RNF130: variants seen among roughly 807,000 people sequenced by gnomAD.
The protein encoded by RNF130 is ring finger protein 130, also known as E3 ubiquitin-protein ligase RNF130.
In RNF130, 21 loss-of-function variants were observed where a neutral mutation model predicts 44.6. The observed-to-expected ratio is 0.47, with a 90% CI of 0.33 to 0.68. The LOEUF (loss-of-function observed/expected upper bound fraction) is 0.68. Ranked by LOEUF, RNF130 falls within the 30% of genes least tolerant of loss-of-function variation. RNF130 has a pLI of 0.02. For synonymous variants in RNF130, 214 were observed against 210.4 expected, an observed-to-expected ratio of 1.02 and a Z score of -0.15; for missense variants, 479 against 560.6, an observed-to-expected ratio of 0.85 and a Z score of 1.47.
chr5:179,945,125 T>G (rs942517347), intron 7 of RNF130, among the ~76,000 whole-genome samples: 7 of 152,164 alleles, frequency 4.6e-5, no homozygotes, highest in Non-Finnish European at 1.0e-4. Flanking sequence ...AACTGACTAG[T>G]ATTTTCACAT....
intron 2 of RNF130, among the ~76,000 whole-genome samples, chr5:180,024,408 T>TCCCAATTTTTC (rs1308087876): frequency 6.6e-6 from 1 of 152,172 alleles, no homozygotes; most frequent in Non-Finnish European, 1.5e-5. Flanking sequence ...TGTACTATCT[T>TCCCAATTTTTC]CCCAATTTTT....
intron 1 of RNF130, among the ~76,000 whole-genome samples, chr5:180,062,933 C>T (rs1765020820): frequency 6.6e-6 from 1 of 152,154 alleles, no homozygotes; most frequent in Admixed American, 6.5e-5. Context: ...GGGATGCCAA[C>T]CAGAGGGCAC....
rs968458201 is a variant in RNF130 at position 179,967,410 on chromosome 5, CCTA to C, written c.946-403_946-401del. ...AGGTAATAGAAAACACCTCTTTCAT[CCTA>C]CTAACTTCTCTAAAAGCCCCATTTA... is the stretch of plus-strand genomic sequence containing the variant. On this transcript the variant is annotated intron_variant, in intron 6 of 8. Transcript: ENST00000521389. Among the ~76,000 whole-genome samples the C allele has an allele frequency of 3.2e-3, 492 of 152,114 alleles. 4 individuals carry two copies. The highest frequency in any genetic ancestry group is 0.011 in the African/African-American group (472 of 41,574).
chr5:179,983,845 T>A (rs1303613893), intron 3 of RNF130, among the ~76,000 whole-genome samples: 1 of 152,240 alleles, frequency 6.6e-6, no homozygotes, highest in Non-Finnish European at 1.5e-5. Flanking sequence ...ACATAGGGCA[T>A]ATTGCATATT....
intron 7 of RNF130, among the ~76,000 whole-genome samples, chr5:179,942,795 A>G (rs1761983214): frequency 6.6e-6 from 1 of 152,216 alleles, no homozygotes; most frequent in African/African-American, 2.4e-5. Context: ...GTTTCTTAGA[A>G]CATCCTCTGC....
chr5:180,068,037 T>A (rs905641500), intron 1 of RNF130, among the ~76,000 whole-genome samples: 5 of 152,246 alleles, frequency 3.3e-5, no homozygotes, highest in African/African-American at 1.2e-4. Flanking sequence ...TTGGTAAAAT[T>A]ATTCTCTAAG....
rs971170629 is a variant in RNF130, at chr5:179,937,966, G to C, written c.1151-17540C>G. ...AGAGAGAGAGAGAGAGAGAGAGAGA[G>C]AGAGACAGAGACAGACAGGGTCTCA... On this transcript the variant is annotated intron_variant, in intron 7 of 7. Coordinates refer to the RNF130 transcript ENST00000522208. 7.3e-5 allele frequency among the ~76,000 whole-genome samples: 11 copies of C among 149,810 alleles called. No individual in the cohort carries two copies. The East Asian group carries it at 7.8e-4, about 11-fold the overall frequency.
chr5:179,931,528 G>T lies in RNF130; in HGVS notation c.1151-11102C>A, dbSNP rs746813120. ...TCATGCCTGTAATCCCAGCACTTTG[G>T]GGGGCCGAGGTGGGCGGATCACCTG... On this transcript the variant is annotated intron_variant, in intron 7 of 7. Coordinates refer to the RNF130 transcript ENST00000522208. 4.6e-5 allele frequency among the ~76,000 whole-genome samples: 7 copies of T among 152,046 alleles called. No homozygotes were observed. In the South Asian group the frequency reaches 6.2e-4, roughly 14 times the overall value.
chr5:179,970,038 C>T (rs912259497), intron 6 of RNF130, among the ~76,000 whole-genome samples: 2 of 152,090 alleles, frequency 1.3e-5, no homozygotes, highest in African/African-American at 4.8e-5. Flanking sequence ...TGCCTGTAGT[C>T]CCAGCTACTC....
intron 7 of RNF130, among the ~76,000 whole-genome samples, chr5:179,931,294 A>T (rs1415469742): frequency 6.6e-6 from 1 of 152,116 alleles, no homozygotes; most frequent in Non-Finnish European, 1.5e-5. Flanking sequence ...TTGTTTACCT[A>T]TTGTATCAAA....
chr5:179,960,863 A>C (rs972737531), intron 8 of RNF130, among the ~76,000 whole-genome samples: 2 of 151,884 alleles, frequency 1.3e-5, no homozygotes, highest in Non-Finnish European at 2.9e-5. Flanking sequence ...AAAAAATCTT[A>C]TTTTGGTTGT....
At chr5:179,962,649 A>G (rs2113699645) in intron 8 of RNF130, among the ~76,000 whole-genome samples, 1 of 152,270 alleles carries the variant, frequency 6.6e-6, no homozygotes, top group South Asian at 2.1e-4. Flanking sequence ...AAATAAAAAA[A>G]CCCTTTCTAT....
intron 3 of RNF130, among the ~76,000 whole-genome samples, chr5:179,993,137 G>A (rs1325953579): frequency 6.6e-6 from 1 of 152,176 alleles, no homozygotes; most frequent in African/African-American, 2.4e-5. Flanking sequence ...TTGGACATTT[G>A]GGTTGGTTCC....
intron 1 of RNF130, among the ~76,000 whole-genome samples, chr5:180,059,983 G>A (rs1764935789): frequency 6.6e-6 from 1 of 152,158 alleles, no homozygotes; most frequent in Admixed American, 6.5e-5. Context: ...GGACTGTCTG[G>A]GTGGGCCCAA....
At chr5:179,963,681 G>A (rs1224753528) in intron 7 of RNF130, 117 bp from the exon 8 acceptor site, 1 of 744,050 alleles carries the variant, frequency 1.3e-6, no homozygotes. Context: ...AGCCAAGATT[G>A]GCCCAAGGAA....
At chr5:179,915,909 C>T (rs1761537753) in exon 8 of RNF130, 1 of 152,268 alleles carries the variant, frequency 6.6e-6, no homozygotes, top group Admixed American at 6.6e-5. Flanking sequence ...CGCTCTCACA[C>T]CCCAGTTGCT....
chr5:180,064,692 T>C (rs764224792), intron 1 of RNF130, among the ~76,000 whole-genome samples: 5 of 152,226 alleles, frequency 3.3e-5, no homozygotes, highest in South Asian at 4.1e-4. Context: ...TCCTGTGAGA[T>C]GAATACACTG....
chr5:180,014,077 G>C (rs958550166), intron 2 of RNF130, among the ~76,000 whole-genome samples: 1 of 152,214 alleles, frequency 6.6e-6, no homozygotes, highest in South Asian at 2.1e-4. Flanking sequence ...GACCAGTTTG[G>C]CATCGAAATA....
intron 2 of RNF130, among the ~76,000 whole-genome samples, chr5:180,024,237 C>T (rs1763937939): frequency 6.6e-6 from 1 of 151,822 alleles, no homozygotes; most frequent in Non-Finnish European, 1.5e-5. Flanking sequence ...GGGTGGGATC[C>T]TAGAACAGAA....
Sources: allele counts gnomAD v4.1 joint callset (sites outside exome capture counted in the v4.1 genomes callset), GRCh38; gene constraint gnomAD v4.1.1; transcripts MANE v1.5; gene names NCBI Gene and HGNC (gene_info 2026-07-23, HGNC 2026-07-21).